The following COL15A1 variants were observed in gnomAD, a reference collection of about 807,000 sequenced individuals.
COL15A1 encodes the protein collagen type XV alpha 1 chain.
COL15A1 carries 111 observed loss-of-function variants against 165.9 expected under a neutral mutation model. That is an observed-to-expected ratio of 0.67 (90% confidence interval 0.57 to 0.78). COL15A1 has a LOEUF of 0.78. Among genes scored for constraint, COL15A1 ranks in the 30% least tolerant of loss-of-function variants. The pLI is 0.00. For missense variants in COL15A1, 1,745 were observed against 1,789.7 expected (o/e 0.98, Z 0.45); for synonymous variants, 659 against 674.8 (o/e 0.98, Z 0.36).
chr9:98,970,003 A>G (rs1302641797), intron 2 of COL15A1, among the ~76,000 whole-genome samples: 1 of 151,562 alleles, frequency 6.6e-6, no homozygotes, highest in Non-Finnish European at 1.5e-5. Flanking sequence ...GAACCAGCTC[A>G]ATCAACATCT....
In COL15A1 at chr9:99,042,067, A is replaced by G. The variant is rs755008558; in HGVS notation, c.2534A>G (p.Asp845Gly). ...CAGGGTCCTAGAGGACCAAAAGGTG[A>G]CACTGGTTTACCTGGCTTTCCAGGA... is the stretch of plus-strand genomic sequence containing the variant. Reference protein sequence around the residue: ...GFPGPRGPKGDTGLPGFPGLK... With the variant: ...GFPGPRGPKGGTGLPGFPGLK... Residue 845 changes from aspartate (D) to glycine (G), a missense_variant, in exon 24 of 42, where the codon GAC (aspartate) becomes GGC (glycine). Coordinates refer to ENST00000375001, the MANE Select transcript of COL15A1 (RefSeq NM_001855.5). The G allele has an allele frequency of 6.2e-7, 1 of 1,612,190 alleles. No individual in the cohort carries two copies. Among genetic ancestry groups the G allele is most frequent in the Admixed American group, 1.7e-5 (1 of 59,890 alleles).
intron 2 of COL15A1, among the ~76,000 whole-genome samples, chr9:98,956,516 A>G (rs1302529350): frequency 2.6e-5 from 4 of 152,176 alleles, no homozygotes; most frequent in Non-Finnish European, 5.9e-5. Context: ...TACATTTTAT[A>G]TGTACATTTA....
chr9:99,044,194 A>G (rs954810956), intron 24 of COL15A1, among the ~76,000 whole-genome samples: 4 of 152,152 alleles, frequency 2.6e-5, no homozygotes, highest in African/African-American at 4.8e-5. Flanking sequence ...ACCATGTGGC[A>G]GGAGATAGAC....
chr9:99,011,117 C>A (rs1478589867), intron 9 of COL15A1, among the ~76,000 whole-genome samples: 3 of 152,164 alleles, frequency 2.0e-5, no homozygotes, highest in African/African-American at 7.2e-5. Context: ...GAGCAAGATG[C>A]AATAAAAGTC....
intron 2 of COL15A1, among the ~76,000 whole-genome samples, chr9:98,973,219 C>T (rs1011804984): frequency 1.1e-4 from 16 of 149,620 alleles, no homozygotes; most frequent in East Asian, 9.8e-4. Flanking sequence ...AAAGCAAGAA[C>T]GAGAGAACAA....
At chr9:99,007,442 G>A (rs1257381454) in intron 9 of COL15A1, among the ~76,000 whole-genome samples, 2 of 152,066 alleles carry the variant, frequency 1.3e-5, no homozygotes, top group Non-Finnish European at 2.9e-5. Context: ...TTCAGATAAA[G>A]CATTTTAAAG....
chr9:99,025,823 C>A, intron 15 of COL15A1, 81 bp from the exon 16 acceptor site: 1 of 1,482,924 alleles, frequency 6.7e-7, no homozygotes, highest in East Asian at 2.4e-5. Flanking sequence ...GCCTCCCAAC[C>A]CTGCCCTCCT....
Position 98,990,806 on chromosome 9 carries a change from G to C in COL15A1, c.804+1548G>C, listed in dbSNP as rs115108199. On this transcript the variant is annotated intron_variant, in intron 5 of 41. Coordinates refer to ENST00000375001, the MANE Select transcript of COL15A1 (RefSeq NM_001855.5). ...ATACCACTGTGTACCTGGTGCTATT[G>C]TGTCTGGAATTGGTGGGTTCTTGGT... 5.9e-3 allele frequency among the ~76,000 whole-genome samples: 903 copies of C among 152,314 alleles called. 4 individuals are homozygous for C. Among genetic ancestry groups the C allele is most frequent in the African/African-American group, 0.02 (818 of 41,554 alleles).
chr9:98,958,862 A>T (rs1837819793), intron 2 of COL15A1, among the ~76,000 whole-genome samples: 1 of 152,132 alleles, frequency 6.6e-6, no homozygotes, highest in African/African-American at 2.4e-5. Flanking sequence ...CAAAGTGAGT[A>T]TTCCGCAAAG....
rs746242137 is a variant in COL15A1 at position 99,049,899 on chromosome 9, A to G, written c.2904+4A>G. On this transcript the variant is annotated splice_donor_region_variant and intron_variant, in intron 30 of 41. Coordinates refer to ENST00000375001, the MANE Select transcript of COL15A1 (RefSeq NM_001855.5). ...CCGACCACACTGCAAAATGCCAGTAAGTAGCAATCACTGCCTTAAAGAGCA... is the reference window on the plus strand; with the variant it reads ...CCGACCACACTGCAAAATGCCAGTAGGTAGCAATCACTGCCTTAAAGAGCA... 10 of 1,614,126 alleles carry G rather than the reference A, an allele frequency of 6.2e-6. No homozygotes were observed. The East Asian group carries it at 2.2e-4, about 36-fold the overall frequency.
intron 17 of COL15A1, 53 bp downstream of exon 17, chr9:99,034,637 C>T (rs1433653548): frequency 1.7e-6 from 1 of 583,452 alleles, no homozygotes; most frequent in Non-Finnish European, 2.4e-6. Context: ...CCCTCCTCCC[C>T]TTTCTTTGAG....
At chr9:98,961,232 T>C (rs1362419499) in intron 2 of COL15A1, among the ~76,000 whole-genome samples, 37 of 152,234 alleles carry the variant, frequency 2.4e-4, no homozygotes, top group Non-Finnish European at 1.5e-5. Context: ...AAAAGCAAGA[T>C]AGGCTTGCTG....
In COL15A1 at chr9:99,024,814, A is replaced by G. The variant is rs1241590073; in HGVS notation, c.1855-60A>G. The G allele has an allele frequency of 1.2e-5, 18 of 1,562,664 alleles. No homozygotes were observed. In the African/African-American group the frequency reaches 2.3e-4, roughly 20 times the overall value. On this transcript the variant is annotated intron_variant, in intron 14 of 41. Coordinates refer to ENST00000375001, the MANE Select transcript of COL15A1 (RefSeq NM_001855.5). ...GAATTTGAGAGATTGCATGAAGCACATACTCAGTATCTCATTCGGTATTCC... is the reference window on the plus strand; with the variant it reads ...GAATTTGAGAGATTGCATGAAGCACGTACTCAGTATCTCATTCGGTATTCC...
chr9:99,020,376 C>T lies in COL15A1; in HGVS notation c.1648-13C>T. 1.2e-6 allele frequency: 2 copies of T among 1,608,604 alleles called. No individual in the cohort carries two copies. The highest frequency in any genetic ancestry group is 1.1e-5 in the South Asian group (1 of 90,974). ...TGTTGTGGCCACGTTTTAACCAAAT[C>T]TTCTTCTTTTAGGCTCAAAGAGAAC... On this transcript the variant is annotated splice_polypyrimidine_tract_variant and intron_variant, in intron 11 of 41. Coordinates refer to ENST00000375001, the MANE Select transcript of COL15A1 (RefSeq NM_001855.5).
intron 39 of COL15A1, among the ~76,000 whole-genome samples, chr9:99,064,257 T>C (rs1366305386): frequency 6.6e-6 from 1 of 152,164 alleles, no homozygotes; most frequent in Non-Finnish European, 1.5e-5. Context: ...AGATAGTTTA[T>C]ATGGTCTGTC....
chr9:99,000,136 G>C (rs893267548), intron 6 of COL15A1, among the ~76,000 whole-genome samples: 1 of 152,174 alleles, frequency 6.6e-6, no homozygotes, highest in Non-Finnish European at 1.5e-5. Context: ...CTCCCAAAGT[G>C]CTGGGATTCC....
chr9:98,949,027 A>G (rs937399267), intron 2 of COL15A1, among the ~76,000 whole-genome samples: 2 of 152,136 alleles, frequency 1.3e-5, no homozygotes, highest in African/African-American at 4.8e-5. Context: ...TGAGGTAACC[A>G]TTACCTTGAC....
intron 16 of COL15A1, among the ~76,000 whole-genome samples, chr9:99,033,485 A>G (rs1839242508): frequency 6.6e-6 from 1 of 152,126 alleles, no homozygotes; most frequent in African/African-American, 2.4e-5. Context: ...CACATCATGC[A>G]CCTGACTTCC....
intron 32 of COL15A1, among the ~76,000 whole-genome samples, 158 bp downstream of exon 32, chr9:99,054,814 A>G (rs911312697): frequency 6.6e-6 from 1 of 152,346 alleles, no homozygotes; most frequent in Non-Finnish European, 1.5e-5. Context: ...TGGGCCTGGC[A>G]TGTCCAATAG....
Sources: gnomAD v4.1 joint callset for allele counts (sites outside exome capture counted in the v4.1 genomes callset) on GRCh38, gnomAD v4.1.1 for gene constraint, MANE v1.5 for transcripts, NCBI Gene and HGNC (gene_info 2026-07-23, HGNC 2026-07-21) for gene names.